The following SLC40A1 variants were observed in gnomAD, a reference collection of about 807,000 sequenced individuals.
SLC40A1 encodes the protein solute carrier family 40 member 1.
A neutral mutation model predicts 53.5 loss-of-function variants in SLC40A1; 16 were observed. The ratio of observed to expected loss-of-function variants is 0.30; its 90% CI spans 0.20 to 0.45. SLC40A1 has a LOEUF of 0.45. SLC40A1 is among the 20% of genes least tolerant of loss of function. The pLI, the probability that SLC40A1 is intolerant of heterozygous loss-of-function variation, is 1.00. For missense variants in SLC40A1, 545 were observed against 695.4 expected, an observed-to-expected ratio of 0.78 and a Z score of 2.43; for synonymous variants, 247 against 253.2, an observed-to-expected ratio of 0.98 and a Z score of 0.23.
chr2:189,566,581 G>A (rs2030945571), intron 5 of SLC40A1, among the ~76,000 whole-genome samples: 2 of 152,218 alleles, frequency 1.3e-5, no homozygotes, highest in Non-Finnish European at 2.9e-5. Flanking sequence ...GATAAGGGAT[G>A]TAATCTGAAT....
intron 2 of SLC40A1, among the ~76,000 whole-genome samples, chr2:189,577,725 CCACCTCAGCCTCTCAGTAG>C (rs1011131719): frequency 1.3e-4 from 19 of 150,734 alleles, no homozygotes; most frequent in Admixed American, 1.1e-3. Flanking sequence ...AGCAATTCTT[CCACCTCAGCCTCTCAGTAG>C]CTGGGACTAC....
intron 2 of SLC40A1, among the ~76,000 whole-genome samples, chr2:189,575,531 T>C (rs1238765527): frequency 6.6e-6 from 1 of 152,168 alleles, no homozygotes; most frequent in Non-Finnish European, 1.5e-5. Flanking sequence ...TTAAGTAAAC[T>C]TGAAAAGGCA....
In SLC40A1 at chr2:189,580,464, A is replaced by T; in HGVS notation, c.-4T>A. The T allele has an allele frequency of 6.2e-7, 1 of 1,613,562 alleles. No homozygotes were observed. The highest frequency in any genetic ancestry group is 8.5e-7 in the Non-Finnish European group (1 of 1,179,990). On this transcript the variant is annotated 5_prime_UTR_variant, in exon 1 of 8. Coordinates refer to ENST00000261024, the MANE Select transcript of SLC40A1 (RefSeq NM_014585.6). ...TGTGATCTCCCGCCCTGGTCATGAC[A>T]CTAGGCGACCCCGCTGGCTCTTCTG... is the stretch of plus-strand genomic sequence containing the variant.
At chr2:189,573,968 C>G (rs1464478798) in intron 3 of SLC40A1, among the ~76,000 whole-genome samples, 1 of 151,974 alleles carries the variant, frequency 6.6e-6, no homozygotes, top group Non-Finnish European at 1.5e-5. Context: ...ACCCTACAGA[C>G]CAGAAGAAGA....
chr2:189,571,036 A>G (rs79092489), intron 5 of SLC40A1, among the ~76,000 whole-genome samples: 2,447 of 152,236 alleles, frequency 0.016, 54 homozygotes, highest in East Asian at 0.079. Flanking sequence ...GCAGGCAATA[A>G]TGAGTGAGGG....
intron 5 of SLC40A1, among the ~76,000 whole-genome samples, chr2:189,569,809 C>T (rs2031064245): frequency 6.6e-6 from 1 of 152,034 alleles, no homozygotes; most frequent in Non-Finnish European, 1.5e-5. Flanking sequence ...GACTGAATAG[C>T]CTAGATTCTT....
chr2:189,580,538 G>T lies in SLC40A1; in HGVS notation c.-78C>A. On this transcript the variant is annotated 5_prime_UTR_variant, in exon 1 of 8. Transcript: ENST00000261024. ...CTCGCTGAGGTGCTTGTTAACAGGA[G>T]TGCAAGGAACTGGAGATAGCACCTC... 1 of 1,608,312 alleles carries T rather than the reference G, an allele frequency of 6.2e-7. No individual in the cohort carries two copies.
At chr2:189,564,492 C>T (rs2105620913) in intron 6 of SLC40A1, among the ~76,000 whole-genome samples, 1 of 151,940 alleles carries the variant, frequency 6.6e-6, no homozygotes, top group Admixed American at 6.6e-5. Flanking sequence ...TATACTCCCA[C>T]CAAAGTAAAC....
chr2:189,565,805 C>T (rs2030922440), intron 5 of SLC40A1, among the ~76,000 whole-genome samples: 1 of 151,966 alleles, frequency 6.6e-6, no homozygotes, highest in Admixed American at 6.6e-5. Context: ...AATGATAATC[C>T]CCTTGGAATT....
Position 189,573,787 on chromosome 2 carries a change from G to A in SLC40A1, c.272-826C>T, listed in dbSNP as rs563932650. Among the ~76,000 whole-genome samples, 4 of 152,318 alleles carry A rather than the reference G, an allele frequency of 2.6e-5. No individual in the cohort carries two copies. In the South Asian group the frequency reaches 8.3e-4, roughly 32 times the overall value. On this transcript the variant is annotated intron_variant, in intron 3 of 7. Transcript: ENST00000261024. The stretch of plus-strand genomic sequence containing the variant: ...TATGTAAGGGATAATTACAGCTCTT[G>A]TCTTCAAGGATAATATAGTTCATCC...
chr2:189,575,907 A>T (rs544501877), intron 2 of SLC40A1, among the ~76,000 whole-genome samples: 1 of 152,336 alleles, frequency 6.6e-6, no homozygotes, highest in South Asian at 2.1e-4. Flanking sequence ...GCGATTGGAA[A>T]GAGGAGTAGT....
At chr2:189,567,157 G>T (rs931198706) in intron 5 of SLC40A1, among the ~76,000 whole-genome samples, 1 of 152,196 alleles carries the variant, frequency 6.6e-6, no homozygotes, top group Non-Finnish European at 1.5e-5. Context: ...GCCGTGGAAT[G>T]AATGGTTTGT....
chr2:189,575,029 C>T, intron 3 of SLC40A1, 132 bp downstream of exon 3: 1 of 1,040,578 alleles, frequency 9.6e-7, no homozygotes, highest in Non-Finnish European at 1.5e-6. Context: ...CCATCTAAGC[C>T]CTCCTCCCTC....
At chr2:189,571,872 A>G in intron 4 of SLC40A1, 31 bp from the exon 5 acceptor site, 1 of 1,431,130 alleles carries the variant, frequency 7.0e-7, no homozygotes, top group Non-Finnish European at 9.9e-7. Flanking sequence ...AATGAGTTAT[A>G]ATGTCAGTTT....
intron 4 of SLC40A1, chr2:189,572,516 T>A: frequency 2.7e-6 from 1 of 368,414 alleles, no homozygotes; most frequent in South Asian, 2.6e-5. Context: ...TATGACTGAC[T>A]AATATAGATA....
rs1361939938 is a variant in SLC40A1 at position 189,580,705 on chromosome 2, A to C, written c.-245T>G. 7.0e-7 allele frequency: 1 copy of C among 1,427,586 alleles called. No homozygotes were observed. Among genetic ancestry groups the C allele is most frequent in the Non-Finnish European group, 9.2e-7 (1 of 1,090,582 alleles). The allele number at this position is 1,427,586 out of a possible 1,614,324, so 88.4% of individuals were successfully genotyped here. A position where few individuals can be genotyped will look rare whatever the true frequency, so the allele number is the denominator to read the frequency against. On this transcript the variant is annotated 5_prime_UTR_variant, in exon 1 of 8. Transcript: ENST00000261024. Reference sequence around the variant, plus strand: ...GCTGAAGTTGGAAAGGCAAAGCCTTATGGAAGCGGTTTGGGAGGCTCAGCA... The same window carrying C: ...GCTGAAGTTGGAAAGGCAAAGCCTTCTGGAAGCGGTTTGGGAGGCTCAGCA...
chr2:189,579,991 T>C, intron 1 of SLC40A1, 111 bp from the exon 2 acceptor site: 1 of 1,088,208 alleles, frequency 9.2e-7, no homozygotes, highest in South Asian at 1.3e-5. Flanking sequence ...AAAACTACTT[T>C]GCAGGACAAA....
At chr2:189,568,130 T>C (rs1365928777) in intron 5 of SLC40A1, among the ~76,000 whole-genome samples, 1 of 150,884 alleles carries the variant, frequency 6.6e-6, no homozygotes. Context: ...TAGGTGTCAG[T>C]AGAAATGTTG....
rs368258215 is a variant in SLC40A1 at position 189,575,294 on chromosome 2, C to T, written c.138G>A (p.Val46=). Residue 46 remains valine (V), a synonymous_variant, in exon 3 of 8, where the codon GTG becomes GTA. Transcript: ENST00000261024. ...CATAGAGCTCTACCAGAAACACAGA[C>T]ACCGCAAAGTGCCACATCCGATCTC... is the stretch of plus-strand genomic sequence containing the variant. ...TWGDRMWHFA[V]SVFLVELYGN... 1.5e-5 allele frequency: 24 copies of T among 1,613,974 alleles called. No homozygotes were observed. The highest frequency in any genetic ancestry group is 1.9e-5 in the Non-Finnish European group (23 of 1,179,988).
Sources: gnomAD v4.1 joint callset for allele counts (sites outside exome capture counted in the v4.1 genomes callset) on GRCh38, gnomAD v4.1.1 for gene constraint, MANE v1.5 for transcripts, NCBI Gene and HGNC (gene_info 2026-07-23, HGNC 2026-07-21) for gene names.